Variants in FAT1 observed in about 807,000 individuals in gnomAD.
The protein encoded by FAT1 is FAT atypical cadherin 1, also known as protocadherin Fat 1.
FAT1 carries 171 observed loss-of-function variants against 329.8 expected under a neutral mutation model. The ratio of observed to expected loss-of-function variants is 0.52; its 90% CI spans 0.46 to 0.59. The LOEUF is 0.59. Among genes scored for constraint, FAT1 ranks in the 20% least tolerant of loss-of-function variants. FAT1 has a pLI of 0.00. For synonymous variants in FAT1, 2,233 were observed against 2,228.6 expected, an observed-to-expected ratio of 1.00 and a Z score of -0.06; for missense variants, 5,672 against 5,774.4, an observed-to-expected ratio of 0.98 and a Z score of 0.57.
chr4:186,650,285 T>G (rs2126593055), intron 3 of FAT1, among the ~76,000 whole-genome samples: 1 of 152,330 alleles, frequency 6.6e-6, no homozygotes, highest in Admixed American at 6.5e-5. Flanking sequence ...ACACAAATTA[T>G]ACATCAGTTC....
At chr4:186,606,654 T>G (rs976900975) in intron 16 of FAT1, among the ~76,000 whole-genome samples, 3 of 152,126 alleles carry the variant, frequency 2.0e-5, no homozygotes, top group African/African-American at 7.2e-5. Context: ...TAGCGCTGAC[T>G]CATTTCCAAT....
intron 11 of FAT1, among the ~76,000 whole-genome samples, chr4:186,616,430 C>G (rs1383198102): frequency 2.0e-5 from 3 of 152,234 alleles, no homozygotes; most frequent in South Asian, 4.1e-4. Flanking sequence ...CTTACTGCCC[C>G]CCGAAGCTGA....
At chr4:186,593,387 T>C (rs1738335940) in intron 26 of FAT1, among the ~76,000 whole-genome samples, 1 of 152,114 alleles carries the variant, frequency 6.6e-6, no homozygotes, top group South Asian at 2.1e-4. Context: ...TATGCCAAGG[T>C]AAATATGTAC....
At chr4:186,671,598 C>T (rs1742730930) in intron 2 of FAT1, among the ~76,000 whole-genome samples, 2 of 151,890 alleles carry the variant, frequency 1.3e-5, no homozygotes, top group African/African-American at 4.8e-5. Flanking sequence ...ACTTGGGAGG[C>T]TGAGGTAGGA....
chr4:186,629,259 G>A (rs776105439), intron 7 of FAT1, among the ~76,000 whole-genome samples: 2 of 151,628 alleles, frequency 1.3e-5, no homozygotes, highest in Admixed American at 1.3e-4. Flanking sequence ...TTTTTAATAC[G>A]TAAAAAGAAA....
At position 186,702,709 on chromosome 4, in the gene FAT1, C is replaced by T. The variant is rs571889599; in HGVS notation, c.3265+3854G>A. On this transcript the variant is annotated intron_variant, in intron 2 of 26. Coordinates refer to ENST00000441802, the MANE Select transcript of FAT1 (RefSeq NM_005245.4). ...GCTAAGTACACATCAGCTAAGAACA[C>T]TACACCAAATTTATTCCACACACCC... Among the ~76,000 whole-genome samples the T allele has an allele frequency of 1.4e-4, 22 of 152,328 alleles. No homozygotes were observed. The South Asian group carries it at 4.1e-3, about 29-fold the overall frequency.
intron 4 of FAT1, among the ~76,000 whole-genome samples, chr4:186,638,697 T>G (rs940260730): frequency 6.6e-6 from 1 of 151,740 alleles, no homozygotes; most frequent in East Asian, 1.9e-4. Flanking sequence ...TTAAGAAAAT[T>G]TGACCAAGGA....
intron 16 of FAT1, among the ~76,000 whole-genome samples, chr4:186,608,568 C>T (rs1273480639): frequency 6.6e-6 from 1 of 151,998 alleles, no homozygotes; most frequent in Non-Finnish European, 1.5e-5. Flanking sequence ...TAATACTTTT[C>T]GATCCATGTT....
At chr4:186,699,338 T>C (rs970840117) in intron 2 of FAT1, among the ~76,000 whole-genome samples, 1 of 151,896 alleles carries the variant, frequency 6.6e-6, no homozygotes, top group Non-Finnish European at 1.5e-5. Context: ...CAACATGAAA[T>C]GAGTAAGACA....
At chr4:186,645,743 C>T (rs28693044) in intron 3 of FAT1, among the ~76,000 whole-genome samples, 52,105 of 151,022 alleles carry the variant, frequency 0.35, 9,374 homozygotes, top group Middle Eastern at 0.43. Flanking sequence ...GCTAGGAGTT[C>T]GAGACCAGCT....
intron 2 of FAT1, among the ~76,000 whole-genome samples, chr4:186,677,379 T>C (rs1441777764): frequency 6.6e-6 from 1 of 152,128 alleles, no homozygotes; most frequent in African/African-American, 2.4e-5. Flanking sequence ...TATCTAATAA[T>C]CTAAATGCAC....
In FAT1 at chr4:186,706,593, C is replaced by T. The variant is rs143694311; in HGVS notation, c.3235G>A (p.Val1079Ile). 66 of 1,612,418 alleles carry T rather than the reference C, an allele frequency of 4.1e-5. No homozygotes were observed. Among genetic ancestry groups the T allele is most frequent in the East Asian group, 3.6e-4 (16 of 44,830 alleles). The change falls in exon 2 of 27, where the codon GTT (valine) becomes ATT (isoleucine). Residue 1079 changes from valine (V) to isoleucine (I), a missense_variant. This residue lies in a region of FAT1 where 3,966 missense variants were observed against 3,915.2 expected (regional missense o/e 1.01). Coordinates refer to ENST00000441802, the MANE Select transcript of FAT1 (RefSeq NM_005245.4). ...TCTTCACCTATTTTGAAAACACCAA[C>T]GCCAGAGCCATCTCTAATGGAGTAT... ...IRYSIRDGSG[V>I]GVFKIGEETG... is the part of the protein sequence containing the mutation.
intron 3 of FAT1, among the ~76,000 whole-genome samples, chr4:186,656,170 G>A (rs1287814942): frequency 6.6e-6 from 1 of 152,178 alleles, no homozygotes. Context: ...CAAAGGCTCT[G>A]GGGCATAGCT....
At chr4:186,671,816 G>GGT (rs1258230395) in intron 2 of FAT1, among the ~76,000 whole-genome samples, 14 of 151,658 alleles carry the variant, frequency 9.2e-5, no homozygotes, top group South Asian at 2.1e-4. Flanking sequence ...GTGTGTGTGT[G>GGT]GTGTGTGTGT....
At chr4:186,640,306 G>A (rs952772076) in intron 3 of FAT1, among the ~76,000 whole-genome samples, 1 of 152,136 alleles carries the variant, frequency 6.6e-6, no homozygotes, top group African/African-American at 2.4e-5. Context: ...TTGGATAAAT[G>A]ACAAATAGTA....
Position 186,588,290 on chromosome 4 carries a change from A to T in FAT1, c.*302T>A, listed in dbSNP as rs569909639. On this transcript the variant is annotated 3_prime_UTR_variant, in exon 27 of 27. Coordinates refer to ENST00000441802, the MANE Select transcript of FAT1 (RefSeq NM_005245.4). Reference sequence around the variant, plus strand: ...AGAGACAGGAAAATTAAAATAATCAAATCTATATAAATACATGAATCATGC... The same window carrying T: ...AGAGACAGGAAAATTAAAATAATCATATCTATATAAATACATGAATCATGC... 1.4e-4 allele frequency: 43 copies of T among 317,010 alleles called. 1 individual carries two copies. The East Asian group carries it at 1.9e-3, about 14-fold the overall frequency. The allele number at this position is 317,010 out of a possible 1,614,324, so 19.6% of individuals were successfully genotyped here.
chr4:186,597,838 A>C, intron 23 of FAT1, 46 bp from the exon 24 acceptor site: 1 of 1,579,940 alleles, frequency 6.3e-7, no homozygotes, highest in Non-Finnish European at 8.7e-7. Flanking sequence ...ATCCTATTGC[A>C]AATAAATACA....
At chr4:186,661,891 C>A (rs553601543) in intron 3 of FAT1, among the ~76,000 whole-genome samples, 1 of 152,202 alleles carries the variant, frequency 6.6e-6, no homozygotes, top group African/African-American at 2.4e-5. Flanking sequence ...GAAGTGAACA[C>A]TCTTGGGAAC....
Position 186,604,485 on chromosome 4 carries a change from A to G in FAT1, c.10440T>C (p.Ile3480=). 1 of 1,613,888 alleles carries G rather than the reference A, an allele frequency of 6.2e-7. No individual in the cohort carries two copies. The highest frequency in any genetic ancestry group is 8.5e-7 in the Non-Finnish European group (1 of 1,179,802). Residue 3480 remains isoleucine (I), a synonymous_variant, in exon 18 of 27, where the codon ATT becomes ATC. Transcript: ENST00000441802. The part of the protein sequence containing the change: ...SHNGPPFFFT[I]VTGNDEKAFE... ...AAGCCTTCTCATCATTTCCAGTTACAATAGTAAAGAAGAAGGGTGGACCGT... is the reference window on the plus strand; with the variant it reads ...AAGCCTTCTCATCATTTCCAGTTACGATAGTAAAGAAGAAGGGTGGACCGT...
Sources: allele counts gnomAD v4.1 joint callset (sites outside exome capture counted in the v4.1 genomes callset), GRCh38; gene constraint gnomAD v4.1.1; regional missense constraint gnomAD v4.1.1; transcripts MANE v1.5; gene names NCBI Gene and HGNC (gene_info 2026-07-23, HGNC 2026-07-21).